The following WDPCP variants were observed in gnomAD, a reference collection of about 807,000 sequenced individuals.
WDPCP encodes WD repeat-containing and planar cell polarity effector protein fritz homolog.
WDPCP carries 71 observed loss-of-function variants against 93.1 expected under a neutral mutation model. That is an observed-to-expected ratio of 0.76 (90% CI 0.63 to 0.93). The LOEUF is 0.93. WDPCP is among the 40% of genes least tolerant of loss of function. WDPCP has a pLI of 0.00. For synonymous variants in WDPCP, 315 were observed against 315.0 expected, an observed-to-expected ratio of 1.00 and a Z score of 0.00; for missense variants, 844 against 887.4, an observed-to-expected ratio of 0.95 and a Z score of 0.62.
intron 2 of WDPCP, among the ~76,000 whole-genome samples, chr2:63,753,461 G>A (rs1669912680): frequency 6.6e-6 from 1 of 152,076 alleles, no homozygotes; most frequent in Non-Finnish European, 1.5e-5. Flanking sequence ...TGAAATACCT[G>A]AGACTAGGTA....
intron 1 of WDPCP, among the ~76,000 whole-genome samples, chr2:63,577,674 T>C (rs1708207828): frequency 6.6e-6 from 1 of 152,164 alleles, no homozygotes; most frequent in African/African-American, 2.4e-5. Flanking sequence ...CCAAGCTCCC[T>C]GGTATATCCC....
intron 2 of WDPCP, chr2:63,717,076 G>T: frequency 3.6e-6 from 1 of 279,598 alleles, no homozygotes; most frequent in South Asian, 3.8e-5. Flanking sequence ...TCCTGAGGCA[G>T]CTCTCTTCCC....
chr2:63,735,494 A>G (rs963057825), intron 2 of WDPCP, among the ~76,000 whole-genome samples: 1 of 152,224 alleles, frequency 6.6e-6, no homozygotes, highest in Non-Finnish European at 1.5e-5. Flanking sequence ...CAGACAGTGC[A>G]AGGTCTTGGA....
intron 2 of WDPCP, among the ~76,000 whole-genome samples, chr2:63,655,172 A>G (rs1313980651): frequency 6.6e-6 from 1 of 152,204 alleles, no homozygotes; most frequent in African/African-American, 2.4e-5. Flanking sequence ...CAAATGGGAG[A>G]CACAAAGAAA....
chr2:63,588,735 T>A, upstream of WDPCP: 2 of 488,400 alleles, frequency 4.1e-6, no homozygotes, highest in East Asian at 7.7e-5. Flanking sequence ...CATCCGTTTG[T>A]TGTCGTCCTC....
At chr2:63,785,434 A>T (rs1312166118) in intron 2 of WDPCP, among the ~76,000 whole-genome samples, 2 of 152,138 alleles carry the variant, frequency 1.3e-5, no homozygotes, top group African/African-American at 4.8e-5. Flanking sequence ...CTTTGAAAGG[A>T]TACTACATTG....
intron 12 of WDPCP, among the ~76,000 whole-genome samples, chr2:63,339,149 G>C (rs1342326525): frequency 1.3e-5 from 2 of 151,288 alleles, no homozygotes; most frequent in Non-Finnish European, 3.0e-5. Flanking sequence ...ATTATAAATG[G>C]GATTGCCTTC....
intron 13 of WDPCP, among the ~76,000 whole-genome samples, chr2:63,294,873 C>T (rs1473518766): frequency 6.6e-6 from 1 of 152,000 alleles, no homozygotes; most frequent in Non-Finnish European, 1.5e-5. Flanking sequence ...AGTCTAAAAG[C>T]TAGCATTATT....
chr2:63,255,241 CTTCTACTTATCT>C (rs1410817119), intron 14 of WDPCP, among the ~76,000 whole-genome samples: 1 of 152,108 alleles, frequency 6.6e-6, no homozygotes, highest in Non-Finnish European at 1.5e-5. Context: ...CCGGTCACAA[CTTCTACTTATCT>C]TTATACTAGA....
intron 2 of WDPCP, among the ~76,000 whole-genome samples, chr2:63,805,332 C>T (rs1271357171): frequency 2.0e-5 from 3 of 152,106 alleles, no homozygotes; most frequent in African/African-American, 4.8e-5. Flanking sequence ...GTCAAAATGT[C>T]ACTTTTAATA....
At chr2:63,283,785 C>A (rs1253235549) in intron 13 of WDPCP, among the ~76,000 whole-genome samples, 3 of 152,170 alleles carry the variant, frequency 2.0e-5, no homozygotes, top group Non-Finnish European at 4.4e-5. Flanking sequence ...GTATCACTGG[C>A]ACTAAGGTTC....
chr2:63,615,152 G>A (rs1008698629), intron 3 of WDPCP, among the ~76,000 whole-genome samples: 2 of 152,184 alleles, frequency 1.3e-5, no homozygotes, highest in Non-Finnish European at 2.9e-5. Context: ...GAGCAGCCTG[G>A]AAGATCAGGC....
At chr2:63,708,045 G>A (rs556685796) in intron 2 of WDPCP, among the ~76,000 whole-genome samples, 73 of 152,320 alleles carry the variant, frequency 4.8e-4, no homozygotes, top group African/African-American at 1.6e-3. Flanking sequence ...CTACTGGGGG[G>A]TGCCTCCCAG....
At chr2:63,573,468 G>A (rs552399705) in intron 1 of WDPCP, among the ~76,000 whole-genome samples, 15 of 152,252 alleles carry the variant, frequency 9.9e-5, no homozygotes, top group Admixed American at 4.6e-4. Flanking sequence ...CATAAATTGT[G>A]AAGATTTCAT....
intron 2 of WDPCP, among the ~76,000 whole-genome samples, chr2:63,683,397 GA>G (rs907337218): frequency 5.9e-5 from 9 of 151,924 alleles, no homozygotes; most frequent in Non-Finnish European, 8.8e-5. Context: ...TAAAGGGATA[GA>G]AAAAGATATT....
At chr2:63,590,613 T>C (rs1709175965), upstream of WDPCP, 2 of 152,212 alleles carry the variant, frequency 1.3e-5, no homozygotes, top group South Asian at 4.1e-4. Context: ...AATTTGGAGA[T>C]TATATTATCT....
chr2:63,351,558 G>T (rs1689615532), intron 12 of WDPCP, among the ~76,000 whole-genome samples: 1 of 152,060 alleles, frequency 6.6e-6, no homozygotes, highest in Admixed American at 6.6e-5. Flanking sequence ...ATTCACTTAG[G>T]ATTATGGCCT....
chr2:63,589,279 G>T (rs1709098108), upstream of WDPCP: 3 of 1,551,108 alleles, frequency 1.9e-6, no homozygotes, highest in East Asian at 4.9e-5. Context: ...AGAAGTAGTT[G>T]TCCTGGGAGA....
intron 2 of WDPCP, among the ~76,000 whole-genome samples, chr2:63,785,595 C>CTCTCTGT (rs1321130856): frequency 6.6e-6 from 1 of 152,064 alleles, no homozygotes; most frequent in African/African-American, 2.4e-5. Flanking sequence ...ATGATAAACC[C>CTCTCTGT]TCTCTGTTCT....
Sources: gnomAD v4.1 joint callset for allele counts (sites outside exome capture counted in the v4.1 genomes callset) on GRCh38, gnomAD v4.1.1 for gene constraint, MANE v1.5 for transcripts, NCBI Gene and HGNC (gene_info 2026-07-23, HGNC 2026-07-21) for gene names.